The following EMP3 variants were observed in gnomAD, a reference collection of about 807,000 sequenced individuals.
The protein encoded by EMP3 is epithelial membrane protein 3.
A neutral mutation model predicts 21.6 loss-of-function variants in EMP3; 15 were observed. That is an observed-to-expected ratio of 0.69 (90% confidence interval 0.46 to 1.07). EMP3 has a LOEUF of 1.07. EMP3 is among the 50% of genes least tolerant of loss of function. The pLI, the probability that EMP3 is intolerant of heterozygous loss-of-function variation, is 0.00. For synonymous variants in EMP3, 107 were observed against 86.1 expected, an observed-to-expected ratio of 1.24 and a Z score of -1.34; for missense variants, 183 against 206.6, an observed-to-expected ratio of 0.89 and a Z score of 0.70.
In EMP3 at chr19:48,330,398, C is replaced by T. The variant is rs1021093810; in HGVS notation, c.420C>T (p.Ala140=). Residue 140 remains alanine, a synonymous_variant, in exon 5 of 5, where the codon GCC becomes GCT. Coordinates refer to ENST00000270221, the MANE Select transcript of EMP3 (RefSeq NM_001425.3). ...PRGGSFGYCF[A]LAWVAFPLAL... ...GGGGCAGCTTCGGATACTGCTTCGC[C>T]CTGGCCTGGGTGGCCTTCCCCCTCG... 1.2e-6 allele frequency: 2 copies of T among 1,606,256 alleles called. No homozygotes were observed. Among genetic ancestry groups the T allele is most frequent in the African/African-American group, 2.7e-5 (2 of 74,358 alleles).
chr19:48,328,411 C>CAAAAAAAAAA (rs746709296), intron 3 of EMP3, among the ~76,000 whole-genome samples: 1 of 80,682 alleles, frequency 1.2e-5, no homozygotes, highest in African/African-American at 4.8e-5. Context: ...GATTCTGTCT[C>CAAAAAAAAAA]AAAAAAAAAA....
rs1183162199 is a variant in EMP3 at position 48,327,730 on chromosome 19, C to T, written c.181+107C>T. On this transcript the variant is annotated intron_variant, in intron 3 of 4. Transcript: ENST00000270221. Reference sequence around the variant, plus strand: ...CCTCCCCCAACAAAGTTGGAGTGGGCGGGGTCCAGGCCTGAGTGGCTGAGT... The same window carrying T: ...CCTCCCCCAACAAAGTTGGAGTGGGTGGGGTCCAGGCCTGAGTGGCTGAGT... 3.8e-5 allele frequency: 40 copies of T among 1,061,718 alleles called. No individual in the cohort carries two copies. In the East Asian group the frequency reaches 7.2e-4, roughly 19 times the overall value. The allele number at this position is 1,061,718 out of a possible 1,614,324, so 65.8% of individuals were successfully genotyped here.
chr19:48,330,253 G>T (rs762087264), intron 4 of EMP3, 48 bp from the exon 5 acceptor site: 22 of 1,500,092 alleles, frequency 1.5e-5, no homozygotes, highest in Non-Finnish European at 2.0e-5. Context: ...ATTGGGAAAT[G>T]TAGTCTTGAG....
At chr19:48,330,083 G>A (rs992468237) in intron 4 of EMP3, among the ~76,000 whole-genome samples, 1 of 150,108 alleles carries the variant, frequency 6.7e-6, no homozygotes, top group Non-Finnish European at 1.5e-5. Context: ...AATATTCCTT[G>A]GATGGATAGA....
rs1443413363 is a variant in EMP3 at position 48,329,328 on chromosome 19, C to G, written c.182-24C>G. 6.2e-7 allele frequency: 1 copy of G among 1,613,786 alleles called. No individual in the cohort carries two copies. Among genetic ancestry groups the G allele is most frequent in the Admixed American group, 1.7e-5 (1 of 59,980 alleles). On this transcript the variant is annotated intron_variant, in intron 3 of 4. Coordinates refer to ENST00000270221, the MANE Select transcript of EMP3 (RefSeq NM_001425.3). The surrounding 1 kb of genome is among the most constrained non-coding windows in gnomAD (Gnocchi z 4.5). ...GAACTCTGGACCCACGGTGATGTCC[C>G]CCTCTGTGTCCTCCTTACTGCAGGC...
At chr19:48,328,129 C>G (rs1969154947) in intron 3 of EMP3, among the ~76,000 whole-genome samples, 1 of 151,868 alleles carries the variant, frequency 6.6e-6, no homozygotes, top group Non-Finnish European at 1.5e-5. Flanking sequence ...CTGAAGAGGC[C>G]ATATAGATAA....
chr19:48,328,649 G>A (rs2147345886), intron 3 of EMP3, among the ~76,000 whole-genome samples: 1 of 152,214 alleles, frequency 6.6e-6, no homozygotes, highest in East Asian at 1.9e-4. Flanking sequence ...CTGTGTGAAA[G>A]ATTTAATGCA....
chr19:48,327,488 C>A, intron 2 of EMP3, 33 bp from the exon 3 acceptor site: 1 of 1,547,268 alleles, frequency 6.5e-7, no homozygotes, highest in Non-Finnish European at 8.9e-7. Context: ...CTTTCCTAAC[C>A]CTGCCCCTTG....
At chr19:48,327,862 C>T (rs976825767) in intron 3 of EMP3, 1 of 487,794 alleles carries the variant, frequency 2.1e-6, no homozygotes. Flanking sequence ...GGCTGGAGTG[C>T]AGTGGCGCAA....
chr19:48,326,710 G>A (rs1220349767), intron 1 of EMP3, 120 bp from the exon 2 acceptor site: 7 of 778,652 alleles, frequency 9.0e-6, no homozygotes, highest in Non-Finnish European at 1.6e-5. Flanking sequence ...GGCTGGTCTC[G>A]ATCTCCTGAC....
chr19:48,330,081 TTGGA>T lies in EMP3; in HGVS notation c.323-214_323-211del, dbSNP rs377159569. Among the ~76,000 whole-genome samples, 1,053 of 152,304 alleles carry T rather than the reference TTGGA, an allele frequency of 6.9e-3. 12 individuals are homozygous for T. Among genetic ancestry groups the T allele is most frequent in the African/African-American group, 0.024 (987 of 41,562 alleles). On this transcript the variant is annotated intron_variant, in intron 4 of 4. Coordinates refer to ENST00000270221, the MANE Select transcript of EMP3 (RefSeq NM_001425.3). Reference sequence around the variant, plus strand: ...ATAGAAACACACTCAAAAATATTCCTTGGATGGATAGAGAGATATTATTGGACCT... The same window carrying T: ...ATAGAAACACACTCAAAAATATTCCTTGGATAGAGAGATATTATTGGACCT...
chr19:48,327,583 C>T lies in EMP3; in HGVS notation c.141C>T (p.Asn47=), dbSNP rs1414058510. Residue 47 remains asparagine, a synonymous_variant, in exon 3 of 5, where the codon AAC becomes AAT. Coordinates refer to ENST00000270221, the MANE Select transcript of EMP3 (RefSeq NM_001425.3). ...TCTGGTACGACTGCACGTGGAACAACGACACCAAAACATGGGCCTGCAGTA... is the reference window on the plus strand; with the variant it reads ...TCTGGTACGACTGCACGTGGAACAATGACACCAAAACATGGGCCTGCAGTA... ...LNLWYDCTWN[N]DTKTWACSNV... is the part of the protein sequence containing the mutation. 1.2e-5 allele frequency: 19 copies of T among 1,613,810 alleles called. No individual in the cohort carries two copies. The highest frequency in any genetic ancestry group is 1.6e-4 in the Middle Eastern group (1 of 6,084).
In EMP3 at chr19:48,330,431, C is replaced by T. The variant is rs753476946; in HGVS notation, c.453C>T (p.Val151=). 1 of 1,597,156 alleles carries T rather than the reference C, an allele frequency of 6.3e-7. No individual in the cohort carries two copies. The highest frequency in any genetic ancestry group is 8.5e-7 in the Non-Finnish European group (1 of 1,172,786). ...LAWVAFPLAL[V]SGIIYIHLRK... is the part of the protein sequence containing the mutation. ...GGGTGGCCTTCCCCCTCGCCCTGGT[C>T]AGCGGCATCATCTACATCCACCTAC... is the stretch of plus-strand genomic sequence containing the variant. The change falls in exon 5 of 5, where the codon GTC becomes GTT. Residue 151 remains valine (V), a synonymous_variant. Coordinates refer to ENST00000270221, the MANE Select transcript of EMP3 (RefSeq NM_001425.3).
intron 3 of EMP3, 157 bp downstream of exon 3, chr19:48,327,780 C>T (rs1969148351): frequency 3.2e-6 from 2 of 632,164 alleles, no homozygotes; most frequent in Non-Finnish European, 5.7e-6. Context: ...CATGTCCCGC[C>T]TGTCTGGATG....
At chr19:48,330,104 T>TGGACCTAGAGAGATTAAATCAG (rs1969181591) in intron 4 of EMP3, among the ~76,000 whole-genome samples, 197 bp from the exon 5 acceptor site, 2 of 152,224 alleles carry the variant, frequency 1.3e-5, no homozygotes, top group African/African-American at 4.8e-5. Flanking sequence ...GAGATATTAT[T>TGGACCTAGAGAGATTAAATCAG]GGACCTAGAG....
At chr19:48,330,144 A>G (rs1969182116) in intron 4 of EMP3, among the ~76,000 whole-genome samples, 157 bp from the exon 5 acceptor site, 1 of 152,098 alleles carries the variant, frequency 6.6e-6, no homozygotes, top group Non-Finnish European at 1.5e-5. Flanking sequence ...AGGCCGCGCT[A>G]CAGTTGCACG....
At chr19:48,328,216 C>T (rs1969155885) in intron 3 of EMP3, among the ~76,000 whole-genome samples, 1 of 151,618 alleles carries the variant, frequency 6.6e-6, no homozygotes, top group Admixed American at 6.6e-5. Flanking sequence ...TCGAGACCAG[C>T]CTGGCCAAGA....
At position 48,327,628 on chromosome 19, in the gene EMP3, G is replaced by A. The variant is rs867833586; in HGVS notation, c.181+5G>A. The A allele has an allele frequency of 1.9e-6, 3 of 1,612,994 alleles. No homozygotes were observed. The highest frequency in any genetic ancestry group is 1.6e-4 in the Middle Eastern group (1 of 6,082). On this transcript the variant is annotated splice_donor_5th_base_variant and intron_variant, in intron 3 of 4. Transcript: ENST00000270221. ...GCAGTAATGTCAGCGAGAATGGTGA[G>A]GGGTGAGGGCGGCGGGACTGGTCTT...
intron 1 of EMP3, 72 bp from the exon 2 acceptor site, chr19:48,326,757 TG>T: frequency 7.7e-7 from 1 of 1,300,500 alleles, no homozygotes; most frequent in Non-Finnish European, 1.1e-6. Context: ...CCCAAAGTGC[TG>T]GGGTTATAGG....
Sources: gnomAD v4.1 joint callset for allele counts (sites outside exome capture counted in the v4.1 genomes callset) on GRCh38, gnomAD v4.1.1 for gene constraint, Gnocchi (gnomAD v3.1) non-coding constraint, MANE v1.5 for transcripts, NCBI Gene and HGNC (gene_info 2026-07-23, HGNC 2026-07-21) for gene names.